MGAT4C: variants seen among roughly 807,000 people sequenced by gnomAD.
The protein encoded by MGAT4C is alpha-1,3-mannosyl-glycoprotein 4-beta-N-acetylglucosaminyltransferase C.
Under a neutral mutation model 40.1 loss-of-function variants are expected in MGAT4C, and 19 were observed. The ratio of observed to expected loss-of-function variants is 0.47; its 90% CI spans 0.33 to 0.70. The LOEUF is 0.70. Among genes scored for constraint, MGAT4C ranks in the 30% least tolerant of loss-of-function variants. MGAT4C has a pLI of 0.02. For missense variants in MGAT4C, 491 were observed against 563.2 expected (o/e 0.87, Z 1.30); for synonymous variants, 181 against 187.1 (o/e 0.97, Z 0.27).
chr12:86,652,833 A>G (rs1963730113), intron 2 of MGAT4C, among the ~76,000 whole-genome samples: 1 of 151,886 alleles, frequency 6.6e-6, no homozygotes, highest in Admixed American at 6.6e-5. Context: ...ATTCCTTGTA[A>G]TTAATTCCTT....
At chr12:86,200,532 A>G (rs780949176) in intron 1 of MGAT4C, among the ~76,000 whole-genome samples, 20 of 152,166 alleles carry the variant, frequency 1.3e-4, no homozygotes, top group Non-Finnish European at 2.6e-4. Flanking sequence ...AGTTGTTTCA[A>G]TTTTAGGCCT....
chr12:86,182,238 T>C (rs867287609), intron 1 of MGAT4C, among the ~76,000 whole-genome samples: 1 of 152,108 alleles, frequency 6.6e-6, no homozygotes, highest in African/African-American at 2.4e-5. Flanking sequence ...GGGCTAATCA[T>C]TCTCATTTTT....
chr12:86,251,447 T>G (rs1424320405), intron 1 of MGAT4C, among the ~76,000 whole-genome samples: 1 of 152,064 alleles, frequency 6.6e-6, no homozygotes, highest in East Asian at 1.9e-4. Context: ...TATTCTTACA[T>G]GCAACAAGTG....
chr12:86,290,643 C>A (rs1363822175), intron 4 of MGAT4C, among the ~76,000 whole-genome samples: 1 of 151,428 alleles, frequency 6.6e-6, no homozygotes, highest in Non-Finnish European at 1.5e-5. Context: ...TGCATCAAAC[C>A]CCAATGACAT....
intron 4 of MGAT4C, among the ~76,000 whole-genome samples, chr12:86,319,712 G>T (rs997748627): frequency 4.6e-5 from 7 of 152,098 alleles, no homozygotes; most frequent in African/African-American, 1.7e-4. Context: ...ATGTATGAAT[G>T]CTGGCTTTGT....
At chr12:86,064,336 C>T (rs935961445) in intron 1 of MGAT4C, among the ~76,000 whole-genome samples, 1 of 152,114 alleles carries the variant, frequency 6.6e-6, no homozygotes, top group East Asian at 1.9e-4. Context: ...GCCAAGATCA[C>T]GCCACTGCAC....
chr12:86,378,326 A>C (rs1322028118), intron 3 of MGAT4C, among the ~76,000 whole-genome samples: 1 of 152,132 alleles, frequency 6.6e-6, no homozygotes, highest in Admixed American at 6.6e-5. Flanking sequence ...GAATGACCAC[A>C]GTGTGTTGGT....
chr12:86,372,855 A>G (rs1456339624), intron 3 of MGAT4C, among the ~76,000 whole-genome samples: 1 of 151,790 alleles, frequency 6.6e-6, no homozygotes, highest in Non-Finnish European at 1.5e-5. Context: ...CAAACTATCA[A>G]TTGACACATT....
chr12:85,956,363 T>C lies in MGAT4C; in HGVS notation c.*22926A>G, dbSNP rs2136633501. ...AAAAAACTAGGTGACTCATTTATGCTAACATGGGAATCTGATTCTCAATAA... is the reference window on the plus strand; with the variant it reads ...AAAAAACTAGGTGACTCATTTATGCCAACATGGGAATCTGATTCTCAATAA... On this transcript the variant is annotated 3_prime_UTR_variant, in exon 5 of 5. Coordinates refer to ENST00000611864, the MANE Select transcript of MGAT4C (RefSeq NM_001351288.2). The C allele has an allele frequency of 6.6e-6, 1 of 152,338 alleles. No individual in the cohort carries two copies. The highest frequency in any genetic ancestry group is 1.5e-5 in the Non-Finnish European group (1 of 68,018). The allele number at this position is 152,338 out of a possible 1,614,324, so 9.4% of individuals were successfully genotyped here.
chr12:86,353,028 T>TAAAA (rs939385210), intron 3 of MGAT4C, among the ~76,000 whole-genome samples: 1 of 139,082 alleles, frequency 7.2e-6, no homozygotes, highest in African/African-American at 2.6e-5. Context: ...AATAATAAAA[T>TAAAA]AAAAAAATAA....
chr12:86,391,848 G>C lies in MGAT4C; in HGVS notation c.-120+43309C>G, dbSNP rs140316909. On this transcript the variant is annotated intron_variant, in intron 3 of 7. Transcript: ENST00000548651. Reference sequence around the variant, plus strand: ...GCACTCCAGCCTGGGGACAGAGTGAGAATCCGTCTCAAAAAAAGAAAAAAA... The same window carrying C: ...GCACTCCAGCCTGGGGACAGAGTGACAATCCGTCTCAAAAAAAGAAAAAAA... Among the ~76,000 whole-genome samples, 8 of 152,026 alleles carry C rather than the reference G, an allele frequency of 5.3e-5. 1 individual carries two copies. The highest frequency in any genetic ancestry group is 1.9e-4 in the African/African-American group (8 of 41,466).
chr12:86,713,408 C>T (rs1331057489), intron 2 of MGAT4C, among the ~76,000 whole-genome samples: 1 of 152,028 alleles, frequency 6.6e-6, no homozygotes, highest in East Asian at 1.9e-4. Flanking sequence ...TCATCTTATT[C>T]TGAAAATATT....
chr12:86,797,156 A>C (rs1952137687), intron 1 of MGAT4C, among the ~76,000 whole-genome samples: 1 of 151,798 alleles, frequency 6.6e-6, no homozygotes, highest in South Asian at 2.1e-4. Flanking sequence ...CATTCTTATA[A>C]ATTCTGCTGT....
chr12:86,743,484 T>C (rs553722560), intron 1 of MGAT4C, among the ~76,000 whole-genome samples: 1 of 151,700 alleles, frequency 6.6e-6, no homozygotes, highest in South Asian at 2.1e-4. Context: ...TTAGAAAGTA[T>C]TGGCACAAAA....
intron 2 of MGAT4C, among the ~76,000 whole-genome samples, chr12:86,638,028 C>A (rs1963272497): frequency 6.6e-6 from 1 of 151,832 alleles, no homozygotes; most frequent in Non-Finnish European, 1.5e-5. Context: ...AGACTTCCTC[C>A]TTGTTAAATT....
At chr12:86,088,613 C>T (rs534107482) in intron 1 of MGAT4C, among the ~76,000 whole-genome samples, 8 of 152,096 alleles carry the variant, frequency 5.3e-5, no homozygotes, top group Non-Finnish European at 1.0e-4. Flanking sequence ...ACAGAGCCAA[C>T]AAGCATATGG....
At chr12:86,425,016 G>A (rs1956899720) in intron 3 of MGAT4C, among the ~76,000 whole-genome samples, 1 of 152,008 alleles carries the variant, frequency 6.6e-6, no homozygotes, top group Non-Finnish European at 1.5e-5. Context: ...TCAGCCTCCC[G>A]AACTGCTGTG....
intron 2 of MGAT4C, among the ~76,000 whole-genome samples, chr12:86,673,186 C>T (rs1298161727): frequency 1.3e-5 from 2 of 152,144 alleles, no homozygotes; most frequent in East Asian, 3.9e-4. Context: ...AAAACGCTGT[C>T]TGGAGACAAA....
At chr12:86,559,115 T>C (rs571738715) in intron 2 of MGAT4C, among the ~76,000 whole-genome samples, 1 of 151,960 alleles carries the variant, frequency 6.6e-6, no homozygotes, top group Non-Finnish European at 1.5e-5. Flanking sequence ...CATATAATAA[T>C]AATGGAATCA....
Sources: gnomAD v4.1 joint callset for allele counts (sites outside exome capture counted in the v4.1 genomes callset) on GRCh38, gnomAD v4.1.1 for gene constraint, MANE v1.5 for transcripts, NCBI Gene and HGNC (gene_info 2026-07-23, HGNC 2026-07-21) for gene names.